ANKFN1: variants seen among roughly 807,000 people sequenced by gnomAD.
ANKFN1 encodes the protein ankyrin repeat and fibronectin type-III domain-containing protein 1.
Under a neutral mutation model 108.7 loss-of-function variants are expected in ANKFN1, and 74 were observed. The observed-to-expected ratio is 0.68, with a 90% CI of 0.56 to 0.83. The LOEUF (loss-of-function observed/expected upper bound fraction) is 0.83, where lower values mean the gene tolerates loss of function less well. Ranked by LOEUF, ANKFN1 falls within the 40% of genes least tolerant of loss-of-function variation. ANKFN1 has a pLI of 0.00. For synonymous variants in ANKFN1, 547 were observed against 516.2 expected, an observed-to-expected ratio of 1.06 and a Z score of -0.81; for missense variants, 1,505 against 1,382.3, an observed-to-expected ratio of 1.09 and a Z score of -1.41.
chr17:56,209,970 C>T (rs934687125), intron 1 of ANKFN1, among the ~76,000 whole-genome samples: 3 of 152,090 alleles, frequency 2.0e-5, no homozygotes, highest in Admixed American at 1.3e-4. Context: ...TCTCCAGTTC[C>T]ATCCAGGTTG....
chr17:56,221,417 C>A (rs1037053491), intron 2 of ANKFN1, among the ~76,000 whole-genome samples: 3 of 151,952 alleles, frequency 2.0e-5, no homozygotes, highest in Non-Finnish European at 4.4e-5. Flanking sequence ...GAAAGGTGAC[C>A]AAATTATGAA....
At chr17:56,258,005 G>A (rs902359438) in intron 3 of ANKFN1, 1 of 152,216 alleles carries the variant, frequency 6.6e-6, no homozygotes, top group Admixed American at 6.5e-5. Flanking sequence ...ACTAACACCA[G>A]CTTCTTCAGC....
At chr17:56,463,531 A>C (rs1328103590) in intron 14 of ANKFN1, among the ~76,000 whole-genome samples, 4 of 152,228 alleles carry the variant, frequency 2.6e-5, no homozygotes, top group Non-Finnish European at 4.4e-5. Flanking sequence ...TTAAGATGAG[A>C]AATCCTGTAA....
intron 3 of ANKFN1, among the ~76,000 whole-genome samples, chr17:56,308,203 G>T (rs576403751): frequency 1.3e-5 from 2 of 151,150 alleles, no homozygotes; most frequent in African/African-American, 4.9e-5. Flanking sequence ...TAACATGCAC[G>T]TTGTGCACAT....
chr17:56,148,917 G>A (rs1047152367), upstream of ANKFN1, among the ~76,000 whole-genome samples: 43 of 152,082 alleles, frequency 2.8e-4, no homozygotes, highest in South Asian at 2.1e-4. Flanking sequence ...ATTTGCTTAC[G>A]TCATTCTCCC....
At chr17:56,193,585 A>T (rs929897198) in intron 1 of ANKFN1, among the ~76,000 whole-genome samples, 2 of 152,092 alleles carry the variant, frequency 1.3e-5, no homozygotes, top group Non-Finnish European at 2.9e-5. Context: ...CGTTTTAAAA[A>T]AAAAAAAAAG....
At chr17:56,278,432 AG>A (rs1249199373) in intron 3 of ANKFN1, among the ~76,000 whole-genome samples, 2 of 152,234 alleles carry the variant, frequency 1.3e-5, no homozygotes, top group Non-Finnish European at 2.9e-5. Context: ...TAAAAATAAC[AG>A]AAAGAAATAT....
intron 6 of ANKFN1, 74 bp downstream of exon 6, chr17:56,354,120 C>T: frequency 6.9e-7 from 1 of 1,444,270 alleles, no homozygotes; most frequent in Non-Finnish European, 9.5e-7. Flanking sequence ...ATAGCCATTG[C>T]TGACTTTCAG....
At chr17:56,049,062 T>C (rs533300220) in intron 4 of ANKFN1, among the ~76,000 whole-genome samples, 4 of 152,246 alleles carry the variant, frequency 2.6e-5, no homozygotes, top group Non-Finnish European at 5.9e-5. Context: ...TCAACCCCTA[T>C]CAAATCAGAT....
At position 56,167,323 on chromosome 17, in the gene ANKFN1, A is replaced by G. The variant is rs962709702; in HGVS notation, c.-71+13793A>G. On this transcript the variant is annotated intron_variant, in intron 1 of 20. Transcript: ENST00000682825. ...CATATATACACACACACACACATAT[A>G]TATATATATATATATATATGTAATT... Among the ~76,000 whole-genome samples, 283 of 34,254 alleles carry G rather than the reference A, an allele frequency of 8.3e-3. 2 individuals carry two copies. Among genetic ancestry groups the G allele is most frequent in the African/African-American group, 0.025 (279 of 11,234 alleles). 22.5% of individuals were successfully genotyped at this position (34,254 alleles called of 152,430 possible). A position where few individuals can be genotyped will look rare whatever the true frequency, so the allele number is the denominator to read the frequency against.
chr17:56,247,458 C>G (rs538219681), intron 3 of ANKFN1, among the ~76,000 whole-genome samples: 2 of 152,172 alleles, frequency 1.3e-5, no homozygotes, highest in African/African-American at 4.8e-5. Context: ...ACAAACAAAA[C>G]GAAGATAAAT....
At position 56,515,775 on chromosome 17, in the gene ANKFN1, G is replaced by C. The variant is rs529260294; in HGVS notation, c.*4506G>C. On this transcript the variant is annotated 3_prime_UTR_variant, in exon 21 of 21. Transcript: ENST00000682825. ...GGTCTCTGCTTTTTCCACTGCATCT[G>C]CACACAGTAGTTATATTTGTTTTTT... Among the ~76,000 whole-genome samples the C allele has an allele frequency of 6.6e-6, 1 of 152,260 alleles. No individual in the cohort carries two copies. The highest frequency in any genetic ancestry group is 2.1e-4 in the South Asian group (1 of 4,826).
intron 3 of ANKFN1, among the ~76,000 whole-genome samples, chr17:56,306,098 C>A (rs746081967): frequency 6.6e-6 from 1 of 152,180 alleles, no homozygotes; most frequent in Non-Finnish European, 1.5e-5. Context: ...TTATTCCTCC[C>A]AATTTATTTT....
At position 56,322,792 on chromosome 17, in the gene ANKFN1, T is replaced by C. The variant is rs539230899; in HGVS notation, c.54-3429T>C. ...ATTCTATGTTCCCTTAGCACATTGC[T>C]CATACTTTTTTATGGCATTTACTTA... On this transcript the variant is annotated intron_variant, in intron 3 of 20. Coordinates refer to ENST00000682825, the MANE Select transcript of ANKFN1 (RefSeq NM_001370326.1). Among the ~76,000 whole-genome samples, 181 of 152,380 alleles carry C rather than the reference T, an allele frequency of 1.2e-3. 4 individuals are homozygous for C. The highest frequency in any genetic ancestry group is 1.3e-4 in the Non-Finnish European group (9 of 68,048).
chr17:56,430,706 G>T (rs942869007), intron 8 of ANKFN1, among the ~76,000 whole-genome samples: 5 of 152,120 alleles, frequency 3.3e-5, no homozygotes, highest in African/African-American at 1.2e-4. Flanking sequence ...AGTATTTATT[G>T]ATCTTCTGCA....
At chr17:56,409,299 A>G (rs752899707) in intron 8 of ANKFN1, among the ~76,000 whole-genome samples, 1 of 152,170 alleles carries the variant, frequency 6.6e-6, no homozygotes, top group Non-Finnish European at 1.5e-5. Context: ...GCTGACTTTC[A>G]GTAATCTTAA....
intron 19 of ANKFN1, among the ~76,000 whole-genome samples, chr17:56,494,892 A>G (rs141375306): frequency 6.6e-6 from 1 of 151,854 alleles, no homozygotes; most frequent in Non-Finnish European, 1.5e-5. Flanking sequence ...GTGTTCTCAA[A>G]CTCCTCCCAG....
At position 56,442,945 on chromosome 17, in the gene ANKFN1, C is replaced by T. The variant is rs1266001663; in HGVS notation, c.1099+12C>T. On this transcript the variant is annotated intron_variant, in intron 10 of 20. Transcript: ENST00000682825. ...TGCCTCTCCTTCTAGTAGGTGGTGGCTGTGAACTCTCTCCAGCATGGTAAC... is the reference window on the plus strand; with the variant it reads ...TGCCTCTCCTTCTAGTAGGTGGTGGTTGTGAACTCTCTCCAGCATGGTAAC... 6.2e-7 allele frequency: 1 copy of T among 1,612,802 alleles called. No individual in the cohort carries two copies. Among genetic ancestry groups the T allele is most frequent in the African/African-American group, 1.3e-5 (1 of 74,970 alleles).
intron 4 of ANKFN1, among the ~76,000 whole-genome samples, chr17:56,123,698 A>C (rs947975513): frequency 2.6e-5 from 4 of 152,110 alleles, no homozygotes; most frequent in Non-Finnish European, 5.9e-5. Context: ...ATTAGGTGTA[A>C]AGAGAGACCT....
Sources: gnomAD v4.1 joint callset for allele counts (sites outside exome capture counted in the v4.1 genomes callset) on GRCh38, gnomAD v4.1.1 for gene constraint, MANE v1.5 for transcripts, NCBI Gene and HGNC (gene_info 2026-07-23, HGNC 2026-07-21) for gene names.